MRPL54: variants seen among roughly 807,000 people sequenced by gnomAD.
The protein encoded by MRPL54 is mitochondrial ribosomal protein L54.
In MRPL54, 12 loss-of-function variants were observed where a neutral mutation model predicts 15.6. The observed-to-expected ratio is 0.77, with a 90% CI of 0.49 to 1.24. The LOEUF is 1.24. Ranked by LOEUF, MRPL54 falls within the 50% of genes most tolerant of loss-of-function variation. MRPL54 has a pLI of 0.00. For missense variants in MRPL54, 178 were observed against 186.8 expected (o/e 0.95, Z 0.28); for synonymous variants, 91 against 75.7 (o/e 1.20, Z -1.05).
chr19:3,765,447 C>T (rs2037190421), intron 2 of MRPL54, 116 bp downstream of exon 2: 1 of 1,161,520 alleles, frequency 8.6e-7, no homozygotes, highest in South Asian at 1.4e-5. Context: ...TCACACCTAC[C>T]CATCCTGGCT....
At position 3,767,371 on chromosome 19, in the gene MRPL54, T is replaced by TGAGCAA; in HGVS notation, c.398_403dup (p.Ser133_Lys134dup). On this transcript the variant is annotated inframe_insertion, in exon 3 of 3. Coordinates refer to ENST00000330133, the MANE Select transcript of MRPL54 (RefSeq NM_172251.3). ...CAGAACATCTGGCGCCACAACCGGC[T>TGAGCAA]GAGCAAGAACAAGAGGTTGTAGCAT... The TGAGCAA allele has an allele frequency of 6.2e-7, 1 of 1,610,158 alleles. No homozygotes were observed. Among genetic ancestry groups the TGAGCAA allele is most frequent in the Non-Finnish European group, 8.5e-7 (1 of 1,178,524 alleles).
At chr19:3,763,353 C>T (rs895290319) in intron 1 of MRPL54, among the ~76,000 whole-genome samples, 1 of 152,172 alleles carries the variant, frequency 6.6e-6, no homozygotes, top group East Asian at 1.9e-4. Context: ...AATGTTCGGC[C>T]TTAAAGACAG....
chr19:3,766,449 G>T (rs1461249031), intron 2 of MRPL54, among the ~76,000 whole-genome samples: 2 of 151,786 alleles, frequency 1.3e-5, no homozygotes, highest in East Asian at 3.9e-4. Flanking sequence ...CCTGACCTCA[G>T]GTGATCCGCC....
intron 1 of MRPL54, 76 bp downstream of exon 1, chr19:3,762,894 G>A (rs758958087): frequency 3.2e-6 from 4 of 1,255,156 alleles, no homozygotes; most frequent in Non-Finnish European, 3.3e-6. Flanking sequence ...CGGTGGTTGG[G>A]GAGGTGGTGC....
intron 1 of MRPL54, 33 bp downstream of exon 1, chr19:3,762,851 G>C: frequency 6.7e-7 from 1 of 1,494,764 alleles, no homozygotes; most frequent in Non-Finnish European, 9.1e-7. Context: ...AAATGGGGAC[G>C]GTGGGTGCAC....
In MRPL54 at chr19:3,767,443, C is replaced by T. The variant is rs1368161739; in HGVS notation, c.*50C>T. 1 of 1,592,322 alleles carries T rather than the reference C, an allele frequency of 6.3e-7. No individual in the cohort carries two copies. ...CCCCACGCCGAGGGCTTGCCGTTTT[C>T]CCGGAGGACGTGGACTTTTGTGAGA... On this transcript the variant is annotated 3_prime_UTR_variant, in exon 3 of 3. Coordinates refer to ENST00000330133, the MANE Select transcript of MRPL54 (RefSeq NM_172251.3).
At chr19:3,765,126 A>AGG in intron 1 of MRPL54, 40 bp from the exon 2 acceptor site, 4 of 1,571,168 alleles carry the variant, frequency 2.5e-6, no homozygotes, top group Non-Finnish European at 3.5e-6. Context: ...CTTCCAGAGG[A>AGG]GGGGCTGGGC....
rs1358795364 is a variant in MRPL54, at chr19:3,762,738, G to T, written c.38G>T (p.Trp13Leu). 1 of 1,611,248 alleles carries T rather than the reference G, an allele frequency of 6.2e-7. No individual in the cohort carries two copies. The highest frequency in any genetic ancestry group is 1.7e-5 in the Admixed American group (1 of 59,882). ...TKRLFGATRT[W>L]AGWGAWELLN... ...CGCCTTTTCGGGGCTACCCGGACGT[G>T]GGCCGGCTGGGGGGCCTGGGAGCTC... Residue 13 changes from tryptophan to leucine, a missense_variant, in exon 1 of 3, where the codon TGG becomes TTG. Transcript: ENST00000330133.
Position 3,767,241 on chromosome 19 carries a change from C to T in MRPL54, c.285-20C>T. The T allele has an allele frequency of 6.2e-6, 10 of 1,606,296 alleles. No individual in the cohort carries two copies. Among genetic ancestry groups the T allele is most frequent in the Non-Finnish European group, 8.5e-6 (10 of 1,177,262 alleles). On this transcript the variant is annotated intron_variant, in intron 2 of 2. Coordinates refer to ENST00000330133, the MANE Select transcript of MRPL54 (RefSeq NM_172251.3). ...CAGGGGTCACCGTGTAGCTCTGATT[C>T]CTGCCCGCACCCCCGTCAGGCTGTT...
rs745457153 is a variant in MRPL54, at chr19:3,765,255, A to G, written c.208A>G (p.Thr70Ala). 6.2e-7 allele frequency: 1 copy of G among 1,614,034 alleles called. No homozygotes were observed. Among genetic ancestry groups the G allele is most frequent in the South Asian group, 1.1e-5 (1 of 91,068 alleles). The change falls in exon 2 of 3, where the codon ACA (threonine) becomes GCA (alanine). Residue 70 changes from threonine to alanine, a missense_variant. Coordinates refer to ENST00000330133, the MANE Select transcript of MRPL54 (RefSeq NM_172251.3). ...ATGCACAGATCCTGTCCAGCTCACC[A>G]CATATGCCATGGGCGTCAACATCTA... ...DVCTDPVQLT[T>A]YAMGVNIYKE...
At position 3,767,426 on chromosome 19, in the gene MRPL54, C is replaced by G; in HGVS notation, c.*33C>G. 1 of 1,595,568 alleles carries G rather than the reference C, an allele frequency of 6.3e-7. No individual in the cohort carries two copies. Among genetic ancestry groups the G allele is most frequent in the Non-Finnish European group, 8.5e-7 (1 of 1,174,376 alleles). On this transcript the variant is annotated 3_prime_UTR_variant, in exon 3 of 3. Transcript: ENST00000330133. ...GGCCCGGCATCGCTGACCCCCACGC[C>G]GAGGGCTTGCCGTTTTCCCGGAGGA...
chr19:3,762,683 A>G lies in MRPL54; in HGVS notation c.-18A>G. The G allele has an allele frequency of 1.2e-6, 2 of 1,608,674 alleles. No individual in the cohort carries two copies. Among genetic ancestry groups the G allele is most frequent in the South Asian group, 1.1e-5 (1 of 90,802 alleles). ...CGTCTTCCGGAAACGTGCACTTGCA[A>G]GCTGCCCGCAATACGTCATGGCGAC... On this transcript the variant is annotated 5_prime_UTR_variant, in exon 1 of 3. Transcript: ENST00000330133.
intron 2 of MRPL54, 40 bp from the exon 3 acceptor site, chr19:3,767,221 G>A (rs759623634): frequency 6.3e-7 from 1 of 1,589,886 alleles, no homozygotes; most frequent in East Asian, 2.4e-5. Context: ...GAGCCCAGGG[G>A]TCACCGTGTA....
intron 1 of MRPL54, among the ~76,000 whole-genome samples, chr19:3,764,821 G>A (rs1394592009): frequency 3.3e-5 from 5 of 152,012 alleles, no homozygotes; most frequent in Admixed American, 6.5e-5. Flanking sequence ...GAGGTCAGGA[G>A]ATCGAGACCA....
intron 2 of MRPL54, among the ~76,000 whole-genome samples, chr19:3,766,078 ATTT>A (rs1177318246): frequency 7.2e-6 from 1 of 138,788 alleles, no homozygotes. Context: ...TGCCTGGCTA[ATTT>A]TTTTTTTTTT....
At chr19:3,764,949 A>G (rs1157363851) in intron 1 of MRPL54, among the ~76,000 whole-genome samples, 1 of 148,848 alleles carries the variant, frequency 6.7e-6, no homozygotes, top group Non-Finnish European at 1.5e-5. Flanking sequence ...AATGGCTTGA[A>G]CCCGGGAGGC....
chr19:3,763,031 C>T (rs576679242), intron 1 of MRPL54, among the ~76,000 whole-genome samples: 1 of 152,360 alleles, frequency 6.6e-6, no homozygotes, highest in African/African-American at 2.4e-5. Flanking sequence ...GGACCCAGGG[C>T]GCAGGCGCCA....
chr19:3,765,215 C>G lies in MRPL54; in HGVS notation c.168C>G (p.Leu56=). ...SGKGAVTSEA[L]KDPDVCTDPV... ...AAGGTGCAGTGACCAGCGAGGCCCT[C>G]AAGGACCCCGACGTATGCACAGATC... is the stretch of plus-strand genomic sequence containing the variant. Residue 56 remains leucine, a synonymous_variant, in exon 2 of 3, where the codon CTC becomes CTG. Coordinates refer to ENST00000330133, the MANE Select transcript of MRPL54 (RefSeq NM_172251.3). The G allele has an allele frequency of 6.2e-7, 1 of 1,613,722 alleles. No individual in the cohort carries two copies. The highest frequency in any genetic ancestry group is 1.7e-4 in the Middle Eastern group (1 of 6,058).
chr19:3,766,061 G>A (rs1429473195), intron 2 of MRPL54, among the ~76,000 whole-genome samples: 1 of 150,760 alleles, frequency 6.6e-6, no homozygotes, highest in African/African-American at 2.4e-5. Flanking sequence ...ACAGGCATGC[G>A]CCACCATGCC....
Sources: gnomAD v4.1 joint callset for allele counts (sites outside exome capture counted in the v4.1 genomes callset) on GRCh38, gnomAD v4.1.1 for gene constraint, MANE v1.5 for transcripts, NCBI Gene and HGNC (gene_info 2026-07-23, HGNC 2026-07-21) for gene names.